The following KPNA7 variants were observed in gnomAD, a reference collection of about 807,000 sequenced individuals.
KPNA7 encodes importin subunit alpha-8.
Under a neutral mutation model 53.7 loss-of-function variants are expected in KPNA7, and 54 were observed. The ratio of observed to expected loss-of-function variants is 1.01; its 90% CI spans 0.81 to 1.26. The LOEUF (loss-of-function observed/expected upper bound fraction) is 1.26. KPNA7 is among the 50% of genes most tolerant of loss of function. The probability of loss-of-function intolerance (pLI) is 0.00; values close to 1 mark genes in which losing one functional copy is unlikely to be tolerated. For synonymous variants in KPNA7, 276 were observed against 259.3 expected (o/e 1.06, Z -0.62); for missense variants, 640 against 644.5 (o/e 0.99, Z 0.07).
intron 9 of KPNA7, 74 bp from the exon 10 acceptor site, chr7:99,178,140 A>G: frequency 7.2e-7 from 1 of 1,384,968 alleles, no homozygotes; most frequent in Non-Finnish European, 9.9e-7. Flanking sequence ...TCAGCCCTCA[A>G]GGGAGCTGCC....
the KPNA7 span, among the ~76,000 whole-genome samples, chr7:99,155,557 T>C: frequency 6.6e-6 from 1 of 151,976 alleles, no homozygotes; most frequent in Admixed American, 6.6e-5. Context: ...AGAAACAGAT[T>C]TATGGGGTTG....
chr7:99,207,589 C>T (rs1298135989), intron 1 of KPNA7, 100 bp from the exon 2 acceptor site: 5 of 327,198 alleles, frequency 1.5e-5, no homozygotes, highest in Non-Finnish European at 2.5e-5. Flanking sequence ...CACAGTGGAG[C>T]AAAGGGCAGA....
chr7:99,165,075 A>G, the KPNA7 span, among the ~76,000 whole-genome samples: 39 of 152,216 alleles, frequency 2.6e-4, no homozygotes, highest in African/African-American at 9.4e-4. Context: ...TAGGAGGCAG[A>G]GGTTGCAGTG....
At chr7:99,151,136 G>T in the KPNA7 span, among the ~76,000 whole-genome samples, 148 of 152,174 alleles carry the variant, frequency 9.7e-4, no homozygotes, top group African/African-American at 3.4e-3. Flanking sequence ...CATGACGAAG[G>T]TTTTTCAAGG....
chr7:99,213,137 T>G (rs1162855458), intron 1 of KPNA7, among the ~76,000 whole-genome samples: 1 of 151,416 alleles, frequency 6.6e-6, no homozygotes, highest in Non-Finnish European at 1.5e-5. Context: ...GGGATTTTTT[T>G]TTTTTTTTGA....
At chr7:99,158,753 C>T in the KPNA7 span, among the ~76,000 whole-genome samples, 5 of 152,130 alleles carry the variant, frequency 3.3e-5, no homozygotes, top group South Asian at 4.1e-4. Context: ...ATCCCCAACT[C>T]GGCCTCCCAA....
Position 99,188,417 on chromosome 7 carries a change from G to A in KPNA7, c.783C>T (p.Ala261=). 2 of 1,551,648 alleles carry A rather than the reference G, an allele frequency of 1.3e-6. No individual in the cohort carries two copies. The highest frequency in any genetic ancestry group is 1.7e-6 in the Non-Finnish European group (2 of 1,146,998). Residue 261 remains alanine, a synonymous_variant, in exon 7 of 11, where the codon GCC becomes GCT. Transcript: ENST00000327442. ...CGGTGAGGTAGGACAGTGCCCAGCAGGCATCCGAGAGAACCTCACTGTCCT... is the reference window on the plus strand; with the variant it reads ...CGGTGAGGTAGGACAGTGCCCAGCAAGCATCCGAGAGAACCTCACTGTCCT... The part of the protein sequence containing the change: ...QHQDSEVLSD[A]CWALSYLTDG...
chr7:99,185,288 G>A (rs1463617082), intron 7 of KPNA7, 126 bp from the exon 8 acceptor site: 2 of 675,930 alleles, frequency 3.0e-6, no homozygotes, highest in Non-Finnish European at 5.2e-6. Context: ...GACAGCCTGT[G>A]AACAGGAATT....
intron 3 of KPNA7, among the ~76,000 whole-genome samples, chr7:99,196,573 T>C (rs1451603274): frequency 6.6e-6 from 1 of 152,192 alleles, no homozygotes; most frequent in Non-Finnish European, 1.5e-5. Context: ...ATTGTTTTAT[T>C]CAAGCCAGGA....
the KPNA7 span, among the ~76,000 whole-genome samples, chr7:99,166,538 C>T: frequency 2.0e-5 from 3 of 152,104 alleles, no homozygotes; most frequent in Admixed American, 2.0e-4. Flanking sequence ...TGGTCTGGAG[C>T]TCCTGACCTT....
chr7:99,203,217 C>T lies in KPNA7; in HGVS notation c.90G>A (p.Ala30=), dbSNP rs185607044. The T allele has an allele frequency of 6.3e-5, 97 of 1,551,616 alleles. No homozygotes were observed. Among genetic ancestry groups the T allele is most frequent in the East Asian group, 9.8e-5 (4 of 40,918 alleles). ...DVSLRRQQRM[A]VSLELRKAKK... is the part of the protein sequence containing the mutation. ...TGGCCTTTCGGAGCTCCAGACTGAC[C>T]GCCATCCTCTGCTGTCGCCTCAGCT... The change falls in exon 3 of 11, where the codon GCG becomes GCA. Residue 30 remains alanine, a synonymous_variant. Coordinates refer to ENST00000327442, the MANE Select transcript of KPNA7 (RefSeq NM_001145715.3).
chr7:99,203,986 C>T (rs1048356540), intron 2 of KPNA7, among the ~76,000 whole-genome samples: 15 of 152,164 alleles, frequency 9.9e-5, no homozygotes, highest in African/African-American at 2.9e-4. Context: ...GCTGAGAATA[C>T]AGGCTGAGCA....
chr7:99,191,458 G>A (rs1789950155), intron 6 of KPNA7, among the ~76,000 whole-genome samples: 1 of 152,064 alleles, frequency 6.6e-6, no homozygotes, highest in Non-Finnish European at 1.5e-5. Flanking sequence ...TAATTCTACG[G>A]CAGGCAACCA....
chr7:99,149,186 A>G, the KPNA7 span, among the ~76,000 whole-genome samples: 1 of 152,272 alleles, frequency 6.6e-6, no homozygotes, highest in Non-Finnish European at 1.5e-5. Context: ...TTCAGGCATG[A>G]ACCACCATGC....
At chr7:99,165,255 C>T in the KPNA7 span, among the ~76,000 whole-genome samples, 2 of 151,398 alleles carry the variant, frequency 1.3e-5, no homozygotes, top group African/African-American at 2.4e-5. Context: ...GCCCTACTCA[C>T]AGCCACTGCA....
upstream of KPNA7, among the ~76,000 whole-genome samples, chr7:99,208,297 C>T (rs1210580059): frequency 2.0e-5 from 3 of 151,966 alleles, no homozygotes. Flanking sequence ...ACTCTGTCAC[C>T]CAGGCTGGAG....
the KPNA7 span, among the ~76,000 whole-genome samples, chr7:99,147,063 C>T: frequency 1.5e-4 from 23 of 152,132 alleles, no homozygotes; most frequent in Non-Finnish European, 2.9e-4. Context: ...ACAAAGGGGA[C>T]CTTCCTACCT....
intron 1 of KPNA7, among the ~76,000 whole-genome samples, chr7:99,217,050 CAT>C (rs1347967812): frequency 6.6e-6 from 1 of 152,200 alleles, no homozygotes; most frequent in Non-Finnish European, 1.5e-5. Flanking sequence ...TAAATTAAGA[CAT>C]GTCATCATCC....
chr7:99,154,127 TCA>T, the KPNA7 span, among the ~76,000 whole-genome samples: 7 of 150,636 alleles, frequency 4.6e-5, no homozygotes, highest in African/African-American at 1.7e-4. Context: ...TGAGAATAGC[TCA>T]CACACTTTTT....
Sources: gnomAD v4.1 joint callset for allele counts (sites outside exome capture counted in the v4.1 genomes callset) on GRCh38, gnomAD v4.1.1 for gene constraint, MANE v1.5 for transcripts, NCBI Gene and HGNC (gene_info 2026-07-23, HGNC 2026-07-21) for gene names.